LARGE1: variants seen among roughly 807,000 people sequenced by gnomAD.
LARGE1 encodes the protein xylosyl- and glucuronyltransferase LARGE1.
LARGE1 carries 43 observed loss-of-function variants against 87.6 expected under a neutral mutation model. That is an observed-to-expected ratio of 0.49 (90% CI 0.38 to 0.63). The LOEUF (loss-of-function observed/expected upper bound fraction) is 0.63. LARGE1 is among the 30% of genes least tolerant of loss of function. LARGE1 has a pLI of 0.00. For synonymous variants in LARGE1, 434 were observed against 394.6 expected (o/e 1.10, Z -1.18); for missense variants, 802 against 1,000.2 (o/e 0.80, Z 2.67).
At chr22:33,404,303 G>A (rs2066023660) in intron 7 of LARGE1, among the ~76,000 whole-genome samples, 1 of 152,208 alleles carries the variant, frequency 6.6e-6, no homozygotes, top group Non-Finnish European at 1.5e-5. Flanking sequence ...CCTTAAGCCA[G>A]CTGATAAATT....
At chr22:33,328,897 C>T (rs1937472699) in intron 10 of LARGE1, among the ~76,000 whole-genome samples, 1 of 152,132 alleles carries the variant, frequency 6.6e-6, no homozygotes, top group African/African-American at 2.4e-5. Context: ...TCTTTGAAGC[C>T]TTCCTTTCCT....
At chr22:33,660,070 TTGTGTGTGTG>T (rs1160067357) in intron 2 of LARGE1, among the ~76,000 whole-genome samples, 2 of 141,106 alleles carry the variant, frequency 1.4e-5, no homozygotes, top group East Asian at 2.0e-4. Context: ...AAATGTTTTG[TTGTGTGTGTG>T]TGTGTGTGTG....
chr22:33,360,915 T>C (rs1447545697), intron 9 of LARGE1, among the ~76,000 whole-genome samples: 1 of 149,710 alleles, frequency 6.7e-6, no homozygotes, highest in African/African-American at 2.5e-5. Flanking sequence ...CTGTATGTAA[T>C]CCCGATAAAA....
chr22:33,651,165 G>A (rs1159171645), intron 2 of LARGE1, among the ~76,000 whole-genome samples: 3 of 145,950 alleles, frequency 2.1e-5, no homozygotes, highest in African/African-American at 7.7e-5. Flanking sequence ...GGCGGATCAC[G>A]AGGTCAGGAG....
chr22:33,693,652 G>A (rs1043786307), intron 2 of LARGE1, among the ~76,000 whole-genome samples: 3 of 151,886 alleles, frequency 2.0e-5, no homozygotes, highest in South Asian at 2.1e-4. Context: ...GTGAAACCCC[G>A]TCTCTACTAA....
chr22:33,590,974 G>A (rs543693992), intron 5 of LARGE1, among the ~76,000 whole-genome samples: 1 of 152,002 alleles, frequency 6.6e-6, no homozygotes, highest in Non-Finnish European at 1.5e-5. Flanking sequence ...AGGCTGAGGC[G>A]GGTGGATCAC....
chr22:33,435,598 C>T (rs760542), intron 6 of LARGE1, among the ~76,000 whole-genome samples: 57,097 of 151,612 alleles, frequency 0.38, 11,738 homozygotes, highest in African/African-American at 0.54. Flanking sequence ...GGAACTCAGG[C>T]ACCCGCTCCC....
At chr22:33,759,847 C>T (rs1168302390) in intron 2 of LARGE1, among the ~76,000 whole-genome samples, 1 of 152,132 alleles carries the variant, frequency 6.6e-6, no homozygotes, top group African/African-American at 2.4e-5. Context: ...ACTTCCCATC[C>T]ACTGCCATGG....
chr22:33,425,542 A>T (rs2066846541), intron 7 of LARGE1, among the ~76,000 whole-genome samples: 1 of 152,198 alleles, frequency 6.6e-6, no homozygotes, highest in South Asian at 2.1e-4. Flanking sequence ...CCTACAGTAC[A>T]AAAGAAAGTA....
chr22:33,103,759 C>A, the LARGE1 span, among the ~76,000 whole-genome samples: 1 of 152,190 alleles, frequency 6.6e-6, no homozygotes, highest in African/African-American at 2.4e-5. Flanking sequence ...TGTGTCCCCA[C>A]CCAAATCTCA....
intron 2 of LARGE1, among the ~76,000 whole-genome samples, chr22:33,728,311 G>A (rs950748959): frequency 6.6e-6 from 1 of 152,110 alleles, no homozygotes; most frequent in African/African-American, 2.4e-5. Context: ...GGCCAAGGCA[G>A]GCAGATCACT....
chr22:33,324,082 A>G (rs147679115), intron 10 of LARGE1, among the ~76,000 whole-genome samples: 7,052 of 151,848 alleles, frequency 0.046, 286 homozygotes, highest in African/African-American at 0.12. Context: ...AAATACAAAA[A>G]TTAGCCAGGT....
intron 11 of LARGE1, among the ~76,000 whole-genome samples, chr22:33,172,831 C>A (rs377204452): frequency 5.3e-5 from 8 of 152,078 alleles, no homozygotes; most frequent in African/African-American, 1.9e-4. Flanking sequence ...AAGAAATGAA[C>A]AAAGCCTCCA....
intron 5 of LARGE1, among the ~76,000 whole-genome samples, chr22:33,574,932 T>A (rs752656542): frequency 6.6e-6 from 1 of 152,160 alleles, no homozygotes; most frequent in Non-Finnish European, 1.5e-5. Flanking sequence ...TGTGATCTCA[T>A]CTATATTTTT....
chr22:33,350,313 T>G (rs1043813405), intron 9 of LARGE1, among the ~76,000 whole-genome samples: 25 of 152,372 alleles, frequency 1.6e-4, no homozygotes, highest in African/African-American at 5.5e-4. Flanking sequence ...CAGTGTTAAG[T>G]GTCCTCAATG....
the LARGE1 span, among the ~76,000 whole-genome samples, chr22:33,106,251 G>A: frequency 1.3e-5 from 2 of 152,206 alleles, no homozygotes; most frequent in Non-Finnish European, 2.9e-5. Context: ...CAGAGGTGAA[G>A]AAGACAGGGT....
the LARGE1 span, among the ~76,000 whole-genome samples, chr22:33,094,724 C>T: frequency 1.2e-4 from 18 of 151,482 alleles, no homozygotes; most frequent in East Asian, 1.8e-3. Flanking sequence ...TTGTTTGTTT[C>T]GTTTTGGTTT....
chr22:33,885,967 T>C (rs896960197), intron 1 of LARGE1, among the ~76,000 whole-genome samples: 1 of 151,976 alleles, frequency 6.6e-6, no homozygotes, highest in Non-Finnish European at 1.5e-5. Context: ...GAGGCAGAGA[T>C]TGCAGTGAGC....
intron 1 of LARGE1, among the ~76,000 whole-genome samples, chr22:33,843,890 C>A (rs1307368635): frequency 1.3e-5 from 2 of 151,924 alleles, no homozygotes; most frequent in East Asian, 3.9e-4. Flanking sequence ...CCAGGCTGCC[C>A]AACACATTAA....
Sources: gnomAD v4.1 joint callset for allele counts (sites outside exome capture counted in the v4.1 genomes callset) on GRCh38, gnomAD v4.1.1 for gene constraint, MANE v1.5 for transcripts, NCBI Gene and HGNC (gene_info 2026-07-23, HGNC 2026-07-21) for gene names.